Variants in WDFY4 observed in about 807,000 individuals in gnomAD.
The protein encoded by WDFY4 is WDFY family member 4.
Under a neutral mutation model 351.9 loss-of-function variants are expected in WDFY4, and 169 were observed. That is an observed-to-expected ratio of 0.48 (90% CI 0.42 to 0.55). WDFY4 has a LOEUF of 0.55. Ranked by LOEUF, WDFY4 falls within the 20% of genes least tolerant of loss-of-function variation. WDFY4 has a pLI of 0.00. For synonymous variants in WDFY4, 1,622 were observed against 1,574.6 expected (o/e 1.03, Z -0.71); for missense variants, 3,803 against 3,935.6 (o/e 0.97, Z 0.90).
chr10:48,770,084 C>T (rs1023693309), intron 13 of WDFY4, among the ~76,000 whole-genome samples: 2 of 152,160 alleles, frequency 1.3e-5, no homozygotes, highest in Non-Finnish European at 2.9e-5. Context: ...CCCCATTTTA[C>T]TGGAACTAAC....
chr10:48,936,449 C>G (rs1192957943), intron 47 of WDFY4, among the ~76,000 whole-genome samples: 2 of 151,866 alleles, frequency 1.3e-5, no homozygotes, highest in African/African-American at 4.8e-5. Context: ...ATATAAAAAT[C>G]ATAAAGCACA....
At chr10:48,847,203 A>T (rs1185565343) in intron 39 of WDFY4, among the ~76,000 whole-genome samples, 1 of 152,040 alleles carries the variant, frequency 6.6e-6, no homozygotes, top group African/African-American at 2.4e-5. Context: ...CCATGTCCTC[A>T]CGTGGTCTGT....
rs1180968160 is a variant in WDFY4, at chr10:48,830,829, A to G, written c.6470A>G (p.Glu2157Gly). Residue 2157 changes from glutamate (E) to glycine (G), a missense_variant, in exon 38 of 62, where the codon GAA (glutamate) becomes GGA (glycine). Physicochemically the swap from Glu to Gly is moderately conservative, Grantham distance 98 (BLOSUM62 -2). Around this residue, in one of 3 missense-constraint regions of WDFY4, gnomAD observed 3,054 missense variants for 3,148.6 expected, o/e 0.97. Coordinates refer to ENST00000325239, the MANE Select transcript of WDFY4 (RefSeq NM_001394531.1). ...CCTGGAGAGAGGGAAGTGAAGATTG[A>G]AGAGGTCACACCGCTCTGGGAGGAG... Reference protein sequence around the residue: ...VKPGEREVKIEEVTPLWEETM... With the variant: ...VKPGEREVKIGEVTPLWEETM... The G allele has an allele frequency of 1.9e-6, 3 of 1,551,518 alleles. No individual in the cohort carries two copies. The highest frequency in any genetic ancestry group is 2.6e-6 in the Non-Finnish European group (3 of 1,146,958).
chr10:48,965,492 C>T (rs1258057246), intron 54 of WDFY4, among the ~76,000 whole-genome samples: 2 of 152,192 alleles, frequency 1.3e-5, no homozygotes, highest in African/African-American at 4.8e-5. Flanking sequence ...GCATTGATCG[C>T]CCACCCAGTT....
At chr10:48,687,845 G>A (rs1375628257) in intron 1 of WDFY4, among the ~76,000 whole-genome samples, 8 of 150,456 alleles carry the variant, frequency 5.3e-5, no homozygotes, top group African/African-American at 7.4e-5. Flanking sequence ...GCGGTGGTGC[G>A]ATCTCAGCTC....
intron 1 of WDFY4, among the ~76,000 whole-genome samples, chr10:48,701,456 A>G (rs1589414233): frequency 6.6e-6 from 1 of 152,166 alleles, no homozygotes; most frequent in Non-Finnish European, 1.5e-5. Context: ...TACCTTGTCT[A>G]TTAGTTCAAC....
At chr10:48,776,647 A>G in intron 15 of WDFY4, 103 bp from the exon 16 acceptor site, 1 of 1,208,436 alleles carries the variant, frequency 8.3e-7, no homozygotes, top group African/African-American at 1.5e-5. Context: ...GACTGTGCGA[A>G]ACTCTCTTTC....
intron 43 of WDFY4, among the ~76,000 whole-genome samples, chr10:48,877,811 T>C (rs1165626967): frequency 2.0e-5 from 3 of 152,070 alleles, no homozygotes; most frequent in African/African-American, 7.2e-5. Flanking sequence ...TGGAGCTGGG[T>C]TGGCGGAGCC....
intron 29 of WDFY4, among the ~76,000 whole-genome samples, chr10:48,811,240 G>A (rs2067434682): frequency 6.6e-6 from 1 of 152,176 alleles, no homozygotes; most frequent in Admixed American, 6.5e-5. Context: ...ATGAGTGCCT[G>A]GAATTCTGTA....
intron 47 of WDFY4, chr10:48,910,292 G>C: frequency 6.4e-7 from 1 of 1,566,594 alleles, no homozygotes; most frequent in Non-Finnish European, 8.7e-7. Context: ...TGAGGCAATT[G>C]CTCCAGGCCA....
intron 47 of WDFY4, among the ~76,000 whole-genome samples, chr10:48,926,318 G>A (rs879258538): frequency 2.6e-5 from 4 of 152,242 alleles, no homozygotes; most frequent in East Asian, 1.9e-4. Context: ...ACCAAGGATT[G>A]TCAGAGTCCC....
chr10:48,857,200 T>A (rs1019355261), intron 39 of WDFY4, among the ~76,000 whole-genome samples: 1 of 152,186 alleles, frequency 6.6e-6, no homozygotes, highest in African/African-American at 2.4e-5. Context: ...ATCACATTTT[T>A]TTTTTGGTAT....
intron 47 of WDFY4, among the ~76,000 whole-genome samples, chr10:48,924,493 C>T (rs942339530): frequency 6.6e-6 from 1 of 152,096 alleles, no homozygotes; most frequent in Non-Finnish European, 1.5e-5. Context: ...GATAGATGGG[C>T]GAATAGACAG....
intron 11 of WDFY4, among the ~76,000 whole-genome samples, chr10:48,736,912 T>C (rs2064686958): frequency 6.6e-6 from 1 of 152,256 alleles, no homozygotes; most frequent in Non-Finnish European, 1.5e-5. Flanking sequence ...GGTTATCATG[T>C]TTGGGCAACA....
Position 48,743,262 on chromosome 10 carries a change from G to A in WDFY4, c.2173G>A (p.Glu725Lys), listed in dbSNP as rs964526941. 1.7e-5 allele frequency: 27 copies of A among 1,551,612 alleles called. 1 individual carries two copies. In the South Asian group the frequency reaches 3.1e-4, roughly 18 times the overall value. Residue 725 changes from glutamate to lysine, a missense_variant, in exon 12 of 62, where the codon GAG becomes AAG. Glu to Lys is a moderately conservative substitution (Grantham distance 56). This residue lies in a region of WDFY4 where 3,054 missense variants were observed against 3,148.6 expected (regional missense o/e 0.97). Coordinates refer to ENST00000325239, the MANE Select transcript of WDFY4 (RefSeq NM_001394531.1). ...CCTGCTGGGCTGTTTTGGAGCCCTG[G>A]AGGAAGAGGGCAACCTGCTGCGCTC... ...LCLLGCFGAL[E>K]EEGNLLRSWV...
chr10:48,806,396 C>G (rs73310039), intron 27 of WDFY4, among the ~76,000 whole-genome samples: 10,784 of 152,248 alleles, frequency 0.071, 1,267 homozygotes, highest in African/African-American at 0.25. Context: ...GTTGAACCCC[C>G]ACTACCCCTT....
At chr10:48,900,540 T>C (rs1837301568) in intron 46 of WDFY4, among the ~76,000 whole-genome samples, 1 of 152,204 alleles carries the variant, frequency 6.6e-6, no homozygotes. Context: ...TCCATTTTCC[T>C]GAACTGAAGT....
At chr10:48,925,210 CACCTAACTGTG>C (rs1310236301) in intron 47 of WDFY4, among the ~76,000 whole-genome samples, 2 of 152,232 alleles carry the variant, frequency 1.3e-5, no homozygotes, top group African/African-American at 2.4e-5. Flanking sequence ...CAGGCCAGCT[CACCTAACTGTG>C]ACCTCCCGAG....
At chr10:48,949,048 A>C (rs1336838297) in intron 51 of WDFY4, among the ~76,000 whole-genome samples, 1 of 152,232 alleles carries the variant, frequency 6.6e-6, no homozygotes, top group Non-Finnish European at 1.5e-5. Flanking sequence ...GTCTAAACCC[A>C]TGTGAGAGGG....
Sources: gnomAD v4.1 joint callset for allele counts (sites outside exome capture counted in the v4.1 genomes callset) on GRCh38, gnomAD v4.1.1 for gene constraint, gnomAD v4.1.1 regional missense constraint, MANE v1.5 for transcripts, NCBI Gene and HGNC (gene_info 2026-07-23, HGNC 2026-07-21) for gene names.